Variants in MYO3A observed in about 807,000 individuals in gnomAD.
MYO3A encodes the protein myosin-IIIa.
A neutral mutation model predicts 192.7 loss-of-function variants in MYO3A; 180 were observed. That is an observed-to-expected ratio of 0.93 (90% confidence interval 0.83 to 1.06). The LOEUF is 1.06. Ranked by LOEUF, MYO3A falls within the 50% of genes least tolerant of loss-of-function variation. The pLI, the probability that MYO3A is intolerant of heterozygous loss-of-function variation, is 0.00. For missense variants in MYO3A, 1,896 were observed against 1,905.0 expected (o/e 1.00, Z 0.09); for synonymous variants, 628 against 645.3 (o/e 0.97, Z 0.41).
chr10:26,169,286 G>C (rs933280984), intron 28 of MYO3A, among the ~76,000 whole-genome samples: 7 of 152,102 alleles, frequency 4.6e-5, no homozygotes, highest in Non-Finnish European at 8.8e-5. Context: ...ATTTATTTCT[G>C]TTAACTGTAG....
chr10:26,092,838 G>A (rs1342715786), intron 15 of MYO3A, among the ~76,000 whole-genome samples: 1 of 152,176 alleles, frequency 6.6e-6, no homozygotes, highest in Admixed American at 6.5e-5. Context: ...AGCAAGTGTG[G>A]GATACTGTAG....
chr10:25,968,868 G>A (rs983105642), intron 4 of MYO3A, among the ~76,000 whole-genome samples: 9 of 152,204 alleles, frequency 5.9e-5, no homozygotes, highest in Admixed American at 2.6e-4. Flanking sequence ...CTGCCTATTA[G>A]TGACTTAGTA....
chr10:26,052,098 T>G (rs1844038564), intron 10 of MYO3A, among the ~76,000 whole-genome samples: 1 of 152,228 alleles, frequency 6.6e-6, no homozygotes, highest in African/African-American at 2.4e-5. Context: ...TTCATATGCT[T>G]TAGTGTCCAC....
chr10:26,198,032 C>A (rs889139005), intron 32 of MYO3A, among the ~76,000 whole-genome samples: 2 of 152,226 alleles, frequency 1.3e-5, no homozygotes, highest in Non-Finnish European at 2.9e-5. Flanking sequence ...AAATAATAGA[C>A]CACTGTAGTA....
intron 10 of MYO3A, among the ~76,000 whole-genome samples, chr10:26,061,196 T>C (rs1464136238): frequency 1.3e-5 from 2 of 152,236 alleles, no homozygotes; most frequent in East Asian, 3.8e-4. Context: ...CCCAAAGTGC[T>C]GGGATTACAG....
chr10:26,035,933 C>T (rs1286469517), intron 10 of MYO3A, among the ~76,000 whole-genome samples: 1 of 151,892 alleles, frequency 6.6e-6, no homozygotes, highest in African/African-American at 2.4e-5. Flanking sequence ...TCATGTTTTG[C>T]CTAAGACTTT....
chr10:26,120,359 T>C (rs1838780909), intron 17 of MYO3A, among the ~76,000 whole-genome samples: 1 of 152,208 alleles, frequency 6.6e-6, no homozygotes, highest in South Asian at 2.1e-4. Context: ...TGGATAGATT[T>C]ATCTATGGCC....
At chr10:26,179,581 T>C (rs149581289) in intron 31 of MYO3A, among the ~76,000 whole-genome samples, 23 of 152,194 alleles carry the variant, frequency 1.5e-4, no homozygotes, top group African/African-American at 5.3e-4. Flanking sequence ...CCCATTGACA[T>C]TGTCAAGTGA....
At chr10:25,988,962 CT>C (rs903629730) in intron 4 of MYO3A, among the ~76,000 whole-genome samples, 1 of 72,810 alleles carries the variant, frequency 1.4e-5, no homozygotes, top group South Asian at 4.6e-4. Context: ...TTTTTTTTTA[CT>C]TTTTTTTTAG....
intron 14 of MYO3A, among the ~76,000 whole-genome samples, chr10:26,072,084 G>A (rs1835241737): frequency 6.6e-6 from 1 of 152,000 alleles, no homozygotes; most frequent in Non-Finnish European, 1.5e-5. Context: ...GAGAGAAGGA[G>A]GAACTTGCCC....
At chr10:25,942,133 C>G (rs753714673) in intron 2 of MYO3A, among the ~76,000 whole-genome samples, 52 of 151,918 alleles carry the variant, frequency 3.4e-4, no homozygotes, top group Non-Finnish European at 6.6e-4. Flanking sequence ...TCCCAAGTAC[C>G]TGGGACTACA....
intron 4 of MYO3A, among the ~76,000 whole-genome samples, chr10:25,991,433 A>G (rs9731443): frequency 1.3e-5 from 2 of 152,026 alleles, no homozygotes; most frequent in Non-Finnish European, 2.9e-5. Context: ...AGATGAGTAG[A>G]TTGCAAAAAT....
chr10:26,096,114 A>G (rs1015163629), intron 15 of MYO3A, among the ~76,000 whole-genome samples: 3 of 152,224 alleles, frequency 2.0e-5, no homozygotes, highest in African/African-American at 7.2e-5. Context: ...CTCCTGCTAT[A>G]TCCCCAGCGC....
intron 4 of MYO3A, among the ~76,000 whole-genome samples, chr10:25,963,050 C>T (rs1838040168): frequency 6.6e-6 from 1 of 152,166 alleles, no homozygotes; most frequent in Non-Finnish European, 1.5e-5. Flanking sequence ...GCTATAATTG[C>T]TCCTTTCACA....
At chr10:26,053,411 C>T (rs1028536513) in intron 10 of MYO3A, among the ~76,000 whole-genome samples, 3 of 137,804 alleles carry the variant, frequency 2.2e-5, no homozygotes, top group East Asian at 1.9e-4. Context: ...GTATGTCAGT[C>T]AGTGATAAAA....
intron 20 of MYO3A, among the ~76,000 whole-genome samples, chr10:26,136,809 C>T (rs1007748563): frequency 3.3e-5 from 5 of 152,096 alleles, no homozygotes; most frequent in African/African-American, 4.8e-5. Context: ...ACTTGAGGCC[C>T]GGGAGTTTGA....
At chr10:26,021,672 A>C in intron 8 of MYO3A, 24 bp downstream of exon 8, 1 of 1,613,690 alleles carries the variant, frequency 6.2e-7, no homozygotes, top group Non-Finnish European at 8.5e-7. Context: ...CATTGGGTCC[A>C]GTATCTGCAG....
At position 26,171,085 on chromosome 10, in the gene MYO3A, A is replaced by G. The variant is rs1396315051; in HGVS notation, c.3398+546A>G. 2.0e-5 allele frequency among the ~76,000 whole-genome samples: 3 copies of G among 152,220 alleles called. No homozygotes were observed. The East Asian group carries it at 5.8e-4, about 29-fold the overall frequency. The stretch of plus-strand genomic sequence containing the variant: ...GTATTACAGAAAAAACAGGACAGAC[A>G]AACACATCCCTCTTGTAAAATGTGT... On this transcript the variant is annotated intron_variant, in intron 29 of 34. Coordinates refer to ENST00000642920, the MANE Select transcript of MYO3A (RefSeq NM_017433.5).
intron 15 of MYO3A, among the ~76,000 whole-genome samples, chr10:26,092,538 A>G (rs1232544329): frequency 2.0e-5 from 3 of 152,166 alleles, no homozygotes; most frequent in Admixed American, 6.5e-5. Flanking sequence ...TGAAGATTCA[A>G]AGGTTTCACA....
Sources: allele counts gnomAD v4.1 joint callset (sites outside exome capture counted in the v4.1 genomes callset), GRCh38; gene constraint gnomAD v4.1.1; transcripts MANE v1.5; gene names NCBI Gene and HGNC (gene_info 2026-07-23, HGNC 2026-07-21).